Variants in MAN1C1 observed in about 807,000 individuals in gnomAD.
The protein encoded by MAN1C1 is mannosidase alpha class 1C member 1.
Under a neutral mutation model 71.5 loss-of-function variants are expected in MAN1C1, and 49 were observed. The observed-to-expected ratio is 0.69, with a 90% CI of 0.54 to 0.87. The LOEUF is 0.87. MAN1C1 is among the 40% of genes least tolerant of loss of function. The pLI is 0.00. For missense variants in MAN1C1, 743 were observed against 835.0 expected (o/e 0.89, Z 1.36); for synonymous variants, 352 against 343.7 (o/e 1.02, Z -0.27).
rs1403616542 is a variant in MAN1C1, at chr1:25,753,627, A to G, written c.929+49A>G. 2 of 1,548,704 alleles carry G rather than the reference A, an allele frequency of 1.3e-6. No individual in the cohort carries two copies. Among genetic ancestry groups the G allele is most frequent in the South Asian group, 1.1e-5 (1 of 87,408 alleles). On this transcript the variant is annotated intron_variant, in intron 5 of 11. Coordinates refer to ENST00000374332, the MANE Select transcript of MAN1C1 (RefSeq NM_020379.4). This position sits in a 1 kb window ranked among gnomAD's most constrained non-coding sequence, Gnocchi z 4.9. The stretch of plus-strand genomic sequence containing the variant: ...CTGGGGCTTTACTGCGACCATGCCC[A>G]CCATTTGTGTTTTGTCTGGGTGGTG...
intron 7 of MAN1C1, among the ~76,000 whole-genome samples, chr1:25,770,595 G>C (rs910780913): frequency 2.6e-5 from 4 of 152,202 alleles, no homozygotes; most frequent in Non-Finnish European, 1.5e-5. Flanking sequence ...AAATGGGGCC[G>C]ATAGCACCTG....
Position 25,775,357 on chromosome 1 carries a change from T to C in MAN1C1, c.1258-2748T>C, listed in dbSNP as rs1046433554. 5.3e-5 allele frequency among the ~76,000 whole-genome samples: 8 copies of C among 152,208 alleles called. No homozygotes were observed. Among genetic ancestry groups the C allele is most frequent in the Admixed American group, 5.2e-4 (8 of 15,284 alleles). On this transcript the variant is annotated intron_variant, in intron 8 of 11. Coordinates refer to ENST00000374332, the MANE Select transcript of MAN1C1 (RefSeq NM_020379.4). The surrounding 1 kb of genome is among the most constrained non-coding windows in gnomAD (Gnocchi z 5.1). ...GAGCAGGTGCCCTGGCATGTCACAT[T>C]GTCAGCGCTTTTCCATCTGCCACTC...
chr1:25,618,402 C>T (rs2045149621), intron 1 of MAN1C1, 65 bp downstream of exon 1: 1 of 1,461,624 alleles, frequency 6.8e-7, no homozygotes. Flanking sequence ...GACCCTCTGG[C>T]GCTCCCACCC....
chr1:25,770,227 CTTT>C (rs2047531771), intron 7 of MAN1C1, among the ~76,000 whole-genome samples: 1 of 152,238 alleles, frequency 6.6e-6, no homozygotes, highest in African/African-American at 2.4e-5. Flanking sequence ...CACCCCAGCC[CTTT>C]CCAGCTCCTC....
At chr1:25,671,081 G>T (rs1255393759) in intron 1 of MAN1C1, among the ~76,000 whole-genome samples, 1 of 152,132 alleles carries the variant, frequency 6.6e-6, no homozygotes, top group African/African-American at 2.4e-5. Context: ...GTTTCACCAT[G>T]TTGCCCATGC....
At chr1:25,742,191 A>G (rs1437523889) in intron 2 of MAN1C1, among the ~76,000 whole-genome samples, 1 of 152,154 alleles carries the variant, frequency 6.6e-6, no homozygotes, top group Admixed American at 6.5e-5. Context: ...GGCAGAGAAG[A>G]CCACACTTGC....
At chr1:25,627,522 G>T (rs1226349253) in intron 1 of MAN1C1, among the ~76,000 whole-genome samples, 1 of 152,218 alleles carries the variant, frequency 6.6e-6, no homozygotes, top group South Asian at 2.1e-4. Context: ...TGATTTGCCC[G>T]CCTCAGCCTC....
chr1:25,728,957 G>C (rs557215891), intron 2 of MAN1C1, among the ~76,000 whole-genome samples: 2 of 152,356 alleles, frequency 1.3e-5, no homozygotes, highest in South Asian at 4.1e-4. Flanking sequence ...AAGACTCGCT[G>C]TGTGGCTCTG....
At chr1:25,648,471 A>G (rs1050235015) in intron 1 of MAN1C1, among the ~76,000 whole-genome samples, 10 of 152,042 alleles carry the variant, frequency 6.6e-5, no homozygotes, top group Non-Finnish European at 1.2e-4. Flanking sequence ...GGAGGGTGAC[A>G]CCTGATTCTT....
chr1:25,763,876 C>A lies in MAN1C1; in HGVS notation c.1050C>A (p.Val350=). The A allele has an allele frequency of 1.2e-6, 2 of 1,613,612 alleles. No homozygotes were observed. The highest frequency in any genetic ancestry group is 1.7e-6 in the Non-Finnish European group (2 of 1,179,880). ...LSGNQVFAEK[V]RNIRKVLRKI... The stretch of plus-strand genomic sequence containing the variant: ...ACCTGGTGTCCGTCTCTCGGCAGGT[C>A]AGGAACATCCGCAAGGTCCTCAGGA... The change falls in exon 7 of 12, where the codon GTC becomes GTA. Residue 350 remains valine, a splice_region_variant and synonymous_variant. Coordinates refer to ENST00000374332, the MANE Select transcript of MAN1C1 (RefSeq NM_020379.4).
chr1:25,700,710 A>C (rs959900872), intron 2 of MAN1C1, among the ~76,000 whole-genome samples: 1 of 152,244 alleles, frequency 6.6e-6, no homozygotes, highest in Non-Finnish European at 1.5e-5. Flanking sequence ...AGGGAATCAC[A>C]CAGATACTAG....
At position 25,772,025 on chromosome 1, in the gene MAN1C1, T is replaced by C. The variant is rs41284282; in HGVS notation, c.1257+253T>C. On this transcript the variant is annotated intron_variant, in intron 8 of 11. Coordinates refer to ENST00000374332, the MANE Select transcript of MAN1C1 (RefSeq NM_020379.4). ...CCTAAGCTCTGGGAGGTGAAGTCAT[T>C]TATCCAAGGTCTCACGGGAAGTGAC... 4.5e-3 allele frequency: 2,032 copies of C among 454,822 alleles called. 11 individuals carry two copies. The highest frequency in any genetic ancestry group is 6.7e-3 in the Non-Finnish European group (1,707 of 255,150). 28.2% of individuals were successfully genotyped at this position (454,822 alleles called of 1,614,324 possible). A position where few individuals can be genotyped will look rare whatever the true frequency, so the allele number is the denominator to read the frequency against.
chr1:25,698,519 C>T (rs571438181), intron 2 of MAN1C1, among the ~76,000 whole-genome samples: 80 of 152,240 alleles, frequency 5.3e-4, no homozygotes, highest in African/African-American at 1.5e-3. Flanking sequence ...GCAAGACAGA[C>T]GCTCTGTGAC....
At position 25,783,898 on chromosome 1, in the gene MAN1C1, C is replaced by A; in HGVS notation, c.*109C>A. 7.1e-7 allele frequency: 1 copy of A among 1,400,688 alleles called. No individual in the cohort carries two copies. Among genetic ancestry groups the A allele is most frequent in the South Asian group, 1.3e-5 (1 of 74,646 alleles). The allele number at this position is 1,400,688 out of a possible 1,614,324, so 86.8% of individuals were successfully genotyped here. ...AACGAAGGCCCCATCTCGGGCAGAC[C>A]CCCAGCAGATGTGTCGGACAAGCAA... On this transcript the variant is annotated 3_prime_UTR_variant, in exon 12 of 12. Transcript: ENST00000374332.
chr1:25,767,800 C>A (rs1268228096), intron 7 of MAN1C1, among the ~76,000 whole-genome samples: 1 of 130,676 alleles, frequency 7.7e-6, no homozygotes, highest in Non-Finnish European at 1.6e-5. Flanking sequence ...GCATTACACA[C>A]TCCCCTCACG....
intron 1 of MAN1C1, among the ~76,000 whole-genome samples, chr1:25,664,260 GTTTT>G (rs3841828): frequency 6.8e-6 from 1 of 146,258 alleles, no homozygotes; most frequent in Non-Finnish European, 1.5e-5. Flanking sequence ...AACCCTACTA[GTTTT>G]TTTTTTTTTA....
At chr1:25,653,254 T>C (rs2045718619) in intron 1 of MAN1C1, among the ~76,000 whole-genome samples, 4 of 152,048 alleles carry the variant, frequency 2.6e-5, no homozygotes. Flanking sequence ...AATTTATTAA[T>C]TTTTTGTAGA....
At chr1:25,688,333 C>T (rs2046262601) in intron 2 of MAN1C1, among the ~76,000 whole-genome samples, 1 of 152,226 alleles carries the variant, frequency 6.6e-6, no homozygotes, top group African/African-American at 2.4e-5. Context: ...ATTGCTGGTG[C>T]AGATCCCATC....
chr1:25,743,250 A>G (rs993482867), intron 2 of MAN1C1, among the ~76,000 whole-genome samples: 1 of 152,216 alleles, frequency 6.6e-6, no homozygotes, highest in Non-Finnish European at 1.5e-5. Context: ...CTTCTGCACT[A>G]GCAGGAAGGG....
Sources: gnomAD v4.1 joint callset for allele counts (sites outside exome capture counted in the v4.1 genomes callset) on GRCh38, gnomAD v4.1.1 for gene constraint, Gnocchi (gnomAD v3.1) non-coding constraint, MANE v1.5 for transcripts, NCBI Gene and HGNC (gene_info 2026-07-23, HGNC 2026-07-21) for gene names.